Variants in COMMD6 observed in about 807,000 individuals in gnomAD.
The protein encoded by COMMD6 is COMM domain-containing protein 6.
A neutral mutation model predicts 13.4 loss-of-function variants in COMMD6; 11 were observed. That is an observed-to-expected ratio of 0.82 (90% CI 0.52 to 1.36). The LOEUF (loss-of-function observed/expected upper bound fraction) is 1.36, where lower values mean the gene tolerates loss of function less well. Among genes scored for constraint, COMMD6 ranks in the 40% most tolerant of loss-of-function variants. COMMD6 has a pLI of 0.00. For synonymous variants in COMMD6, 43 were observed against 36.5 expected, an observed-to-expected ratio of 1.18 and a Z score of -0.64; for missense variants, 124 against 102.4, an observed-to-expected ratio of 1.21 and a Z score of -0.91.
At chr13:75,527,669 G>A in intron 3 of COMMD6, 1 of 713,926 alleles carries the variant, frequency 1.4e-6, no homozygotes, top group Non-Finnish European at 1.9e-6. Context: ...ATATCACACA[G>A]CCATAAAAAA....
rs778412809 is a variant in COMMD6 at position 75,537,825 on chromosome 13, C to T, written c.-20G>A. The T allele has an allele frequency of 8.2e-6, 13 of 1,586,668 alleles. No homozygotes were observed. Among genetic ancestry groups the T allele is most frequent in the Non-Finnish European group, 1.1e-5 (13 of 1,164,230 alleles). ...CTCCATGGGCAGCGTCTGGGACTTG[C>T]GGCCCGGACTCGAGAGAACGCCCCC... On this transcript the variant is annotated 5_prime_UTR_variant, in exon 1 of 4. Transcript: ENST00000682242.
upstream of COMMD6, among the ~76,000 whole-genome samples, chr13:75,540,369 CACAG>C (rs2030809974): frequency 6.6e-6 from 1 of 151,488 alleles, no homozygotes. Flanking sequence ...CACACACACA[CACAG>C]ACACACACCC....
At chr13:75,539,745 T>A (rs1453821029), upstream of COMMD6, among the ~76,000 whole-genome samples, 1 of 152,026 alleles carries the variant, frequency 6.6e-6, no homozygotes, top group African/African-American at 2.4e-5. Flanking sequence ...CCTAAAAATG[T>A]CCCTGGCATG....
chr13:75,533,705 T>G (rs1459091715), intron 2 of COMMD6, among the ~76,000 whole-genome samples: 2 of 152,162 alleles, frequency 1.3e-5, no homozygotes, highest in East Asian at 3.8e-4. Flanking sequence ...ATATGAAGGA[T>G]GCATTGCTAG....
At chr13:75,545,094 G>A (rs939420705) in intron 1 of COMMD6, among the ~76,000 whole-genome samples, 2 of 152,162 alleles carry the variant, frequency 1.3e-5, no homozygotes, top group Non-Finnish European at 2.9e-5. Flanking sequence ...CTGCCAAAAG[G>A]CCACGTTTAG....
At chr13:75,545,762 AG>A (rs1007747896) in intron 1 of COMMD6, among the ~76,000 whole-genome samples, 15 of 152,110 alleles carry the variant, frequency 9.9e-5, no homozygotes, top group Non-Finnish European at 2.1e-4. Context: ...TCAGCCACCG[AG>A]CCCAGCCTCA....
At chr13:75,542,718 T>G (rs917997484), upstream of COMMD6, among the ~76,000 whole-genome samples, 2 of 152,232 alleles carry the variant, frequency 1.3e-5, no homozygotes, top group African/African-American at 4.8e-5. Context: ...ATTCCTCAGA[T>G]GAGTCCAGTG....
At chr13:75,528,477 C>A (rs1356150086) in intron 3 of COMMD6, among the ~76,000 whole-genome samples, 1 of 152,044 alleles carries the variant, frequency 6.6e-6, no homozygotes, top group Admixed American at 6.5e-5. Context: ...AATTTGTGAA[C>A]ATTATTTTTG....
chr13:75,544,925 C>CTAAAAA (rs2030881301), intron 1 of COMMD6, among the ~76,000 whole-genome samples: 6 of 8,466 alleles, frequency 7.1e-4, no homozygotes, highest in Non-Finnish European at 4.5e-4. Flanking sequence ...GACTCTGTCT[C>CTAAAAA]CAAAAAAAAA....
chr13:75,544,641 T>C (rs1258536080), intron 1 of COMMD6, among the ~76,000 whole-genome samples: 1 of 152,056 alleles, frequency 6.6e-6, no homozygotes, highest in Non-Finnish European at 1.5e-5. Flanking sequence ...CACACACCTG[T>C]GATCCCAGCT....
upstream of COMMD6, chr13:75,537,946 C>A: frequency 2.6e-6 from 2 of 780,534 alleles, no homozygotes; most frequent in East Asian, 2.7e-5. Context: ...TTATGTGACT[C>A]ATATTTTTTC....
intron 2 of COMMD6, among the ~76,000 whole-genome samples, chr13:75,532,395 A>G (rs1338003579): frequency 6.6e-6 from 1 of 152,246 alleles, no homozygotes; most frequent in Admixed American, 6.5e-5. Flanking sequence ...ATTTTGAAGA[A>G]TAAACAGAAC....
chr13:75,537,430 C>T (rs1396310347), intron 2 of COMMD6: 5 of 1,551,208 alleles, frequency 3.2e-6, no homozygotes, highest in African/African-American at 1.4e-5. Context: ...CCCAACAATC[C>T]TTGATCTGCA....
intron 2 of COMMD6, chr13:75,537,441 T>A (rs929530469): frequency 7.1e-6 from 11 of 1,551,332 alleles, no homozygotes; most frequent in Non-Finnish European, 8.7e-6. Flanking sequence ...TTGATCTGCA[T>A]TCTTCGGGCT....
At chr13:75,537,907 C>T (rs1359648487), upstream of COMMD6, 2 of 1,239,242 alleles carry the variant, frequency 1.6e-6, no homozygotes, top group East Asian at 2.4e-5. Context: ...ATGGGGCGGA[C>T]GTAGCAGGGG....
chr13:75,546,566 G>A (rs931215615), intron 1 of COMMD6, among the ~76,000 whole-genome samples: 1 of 146,816 alleles, frequency 6.8e-6, no homozygotes, highest in African/African-American at 2.4e-5. Flanking sequence ...TTCCAAAGAT[G>A]TATGATTCAG....
Position 75,547,156 on chromosome 13 carries a change from C to T in COMMD6, n.106+2167G>A, listed in dbSNP as rs1026145222. 2.0e-5 allele frequency among the ~76,000 whole-genome samples: 3 copies of T among 152,132 alleles called. 1 individual carries two copies. Among genetic ancestry groups the T allele is most frequent in the Middle Eastern group, 6.8e-3 (2 of 294 alleles). On this transcript the variant is annotated intron_variant and non_coding_transcript_variant, in intron 1 of 2. Transcript: ENST00000460675. ...GGGATTACTAAATAGCAGTTGAGCA[C>T]GATGCTTGGGGGCCATTTTAAACAT...
chr13:75,527,980 A>G, intron 3 of COMMD6: 1 of 1,105,320 alleles, frequency 9.0e-7, no homozygotes, highest in Non-Finnish European at 1.2e-6. Flanking sequence ...AATTTGCTAA[A>G]AAACATTTTA....
At chr13:75,535,160 G>C (rs1457802911) in intron 2 of COMMD6, among the ~76,000 whole-genome samples, 1 of 152,146 alleles carries the variant, frequency 6.6e-6, no homozygotes, top group Non-Finnish European at 1.5e-5. Context: ...CTGGAGAAAA[G>C]AGCATTCTGG....
Sources: allele counts gnomAD v4.1 joint callset (sites outside exome capture counted in the v4.1 genomes callset), GRCh38; gene constraint gnomAD v4.1.1; transcripts MANE v1.5; gene names NCBI Gene and HGNC (gene_info 2026-07-23, HGNC 2026-07-21).